UBAP2: variants seen among roughly 807,000 people sequenced by gnomAD.
UBAP2 encodes the protein ubiquitin associated protein 2, also known as ubiquitin-associated protein 2.
In UBAP2, 75 loss-of-function variants were observed where a neutral mutation model predicts 139.6. The ratio of observed to expected loss-of-function variants is 0.54; its 90% confidence interval spans 0.45 to 0.65. The LOEUF (loss-of-function observed/expected upper bound fraction) is 0.65, where lower values mean the gene tolerates loss of function less well. UBAP2 is among the 30% of genes least tolerant of loss of function. The pLI, the probability that UBAP2 is intolerant of heterozygous loss-of-function variation, is 0.00. For synonymous variants in UBAP2, 526 were observed against 526.2 expected (o/e 1.00, Z 0.01); for missense variants, 1,368 against 1,369.6 (o/e 1.00, Z 0.02).
chr9:34,034,904 G>C (rs1039798341), intron 1 of UBAP2, among the ~76,000 whole-genome samples: 1 of 151,450 alleles, frequency 6.6e-6, no homozygotes, highest in African/African-American at 2.4e-5. Flanking sequence ...AAAACGAATC[G>C]CTCAACTGTT....
intron 2 of UBAP2, among the ~76,000 whole-genome samples, chr9:34,004,872 T>G (rs549295086): frequency 6.6e-6 from 1 of 150,804 alleles, no homozygotes; most frequent in African/African-American, 2.4e-5. Flanking sequence ...GGAGGCTGAG[T>G]CAGGAGGAGA....
chr9:33,967,206 GTCTTGCA>G (rs1338200851), intron 8 of UBAP2, among the ~76,000 whole-genome samples: 1 of 152,014 alleles, frequency 6.6e-6, no homozygotes, highest in African/African-American at 2.4e-5. Context: ...TGAAACTTGT[GTCTTGCA>G]TCTTGTGCTT....
intron 1 of UBAP2, among the ~76,000 whole-genome samples, chr9:34,047,258 A>G (rs985491406): frequency 6.6e-6 from 1 of 152,184 alleles, no homozygotes; most frequent in African/African-American, 2.4e-5. Context: ...GAAAATCAGG[A>G]GTATGCTGGC....
chr9:33,994,869 T>G (rs909458064), intron 4 of UBAP2: 1 of 152,180 alleles, frequency 6.6e-6, no homozygotes, highest in Non-Finnish European at 1.5e-5. Flanking sequence ...TCAGAGTTCA[T>G]TTTTGTATTT....
At chr9:34,001,156 T>C (rs1822667685) in intron 2 of UBAP2, among the ~76,000 whole-genome samples, 1 of 152,172 alleles carries the variant, frequency 6.6e-6, no homozygotes, top group African/African-American at 2.4e-5. Flanking sequence ...ATTATACATT[T>C]GGGTTTGGAG....
intron 17 of UBAP2, chr9:33,935,602 TG>T: frequency 1.7e-6 from 1 of 574,078 alleles, no homozygotes; most frequent in Non-Finnish European, 3.1e-6. Flanking sequence ...ATGCTGCACT[TG>T]TGGTGCAGTC....
chr9:33,981,815 G>C (rs140136942), intron 6 of UBAP2, among the ~76,000 whole-genome samples: 9,512 of 126,876 alleles, frequency 0.075, 537 homozygotes, highest in African/African-American at 0.13. Context: ...AGGGTGGAAG[G>C]GGGGAAGCGG....
At chr9:33,936,509 G>T (rs2099286820) in intron 16 of UBAP2, among the ~76,000 whole-genome samples, 1 of 151,994 alleles carries the variant, frequency 6.6e-6, no homozygotes, top group Admixed American at 6.6e-5. Context: ...GGCCAGGCTG[G>T]TCTCAAACTC....
intron 1 of UBAP2, among the ~76,000 whole-genome samples, chr9:34,018,361 T>C (rs1824581929): frequency 6.6e-6 from 1 of 150,820 alleles, no homozygotes; most frequent in South Asian, 2.1e-4. Flanking sequence ...ACAGAAAGCA[T>C]CGGTGAGGAT....
intron 20 of UBAP2, 75 bp downstream of exon 20, chr9:33,927,722 C>T: frequency 2.0e-6 from 3 of 1,486,284 alleles, no homozygotes; most frequent in Admixed American, 2.1e-5. Flanking sequence ...GACACCTGCA[C>T]TGCCTTCCTG....
intron 6 of UBAP2, among the ~76,000 whole-genome samples, chr9:33,978,637 C>T (rs634110): frequency 6.6e-6 from 1 of 151,572 alleles, no homozygotes; most frequent in Non-Finnish European, 1.5e-5. Context: ...AAAATTAGCC[C>T]GATGTGCTGG....
At chr9:34,045,792 ATTCT>A (rs1350352724) in intron 1 of UBAP2, among the ~76,000 whole-genome samples, 1 of 152,330 alleles carries the variant, frequency 6.6e-6, no homozygotes, top group African/African-American at 2.4e-5. Flanking sequence ...GATAAATTTG[ATTCT>A]TTGAGTTAGT....
intron 1 of UBAP2, among the ~76,000 whole-genome samples, chr9:34,037,506 G>A (rs1424686714): frequency 6.6e-6 from 1 of 152,164 alleles, no homozygotes; most frequent in Admixed American, 6.6e-5. Context: ...ACTTTCATCA[G>A]TGTTTCAAAA....
At chr9:34,035,752 A>C (rs1002967657) in intron 1 of UBAP2, among the ~76,000 whole-genome samples, 4 of 151,316 alleles carry the variant, frequency 2.6e-5, no homozygotes, top group African/African-American at 9.7e-5. Context: ...CAAACCATCA[A>C]CTCCTCAATA....
chr9:33,933,734 G>C (rs1016677652), intron 17 of UBAP2, 106 bp from the exon 18 acceptor site: 23 of 1,485,116 alleles, frequency 1.5e-5, no homozygotes, highest in Non-Finnish European at 1.9e-5. Flanking sequence ...AGCCTCAGTT[G>C]AGACGTCCAT....
intron 14 of UBAP2, 146 bp from the exon 15 acceptor site, chr9:33,943,735 C>A: frequency 1.4e-6 from 1 of 740,594 alleles, no homozygotes; most frequent in Non-Finnish European, 2.1e-6. Context: ...TAGGCTAAGA[C>A]TTTTCTAAAA....
At chr9:33,954,055 T>C (rs1240982836) in intron 11 of UBAP2, among the ~76,000 whole-genome samples, 1 of 151,894 alleles carries the variant, frequency 6.6e-6, no homozygotes, top group Non-Finnish European at 1.5e-5. Context: ...TACAGGCGTG[T>C]GCCACCATGC....
chr9:33,981,469 C>G (rs1002194710), intron 6 of UBAP2, among the ~76,000 whole-genome samples: 1 of 150,848 alleles, frequency 6.6e-6, no homozygotes, highest in Non-Finnish European at 1.5e-5. Flanking sequence ...CATCCTACCA[C>G]CTCAGCCTCC....
intron 1 of UBAP2, among the ~76,000 whole-genome samples, chr9:34,038,880 C>T (rs1263069514): frequency 1.4e-5 from 2 of 145,496 alleles, no homozygotes; most frequent in Admixed American, 1.4e-4. Context: ...ATGTGGGGAG[C>T]GCCTCTGCCC....
Sources: gnomAD v4.1 joint callset for allele counts (sites outside exome capture counted in the v4.1 genomes callset) on GRCh38, gnomAD v4.1.1 for gene constraint, MANE v1.5 for transcripts, NCBI Gene and HGNC (gene_info 2026-07-23, HGNC 2026-07-21) for gene names.